The following PARP8 variants were observed in gnomAD, a reference collection of about 807,000 sequenced individuals.
The protein encoded by PARP8 is poly(ADP-ribose) polymerase family member 8, also known as protein mono-ADP-ribosyltransferase PARP8.
Under a neutral mutation model 124.1 loss-of-function variants are expected in PARP8, and 51 were observed. That is an observed-to-expected ratio of 0.41 (90% CI 0.33 to 0.52). PARP8 has a LOEUF of 0.52. Ranked by LOEUF, PARP8 falls within the 20% of genes least tolerant of loss-of-function variation. The pLI is 0.21. For synonymous variants in PARP8, 391 were observed against 361.5 expected, an observed-to-expected ratio of 1.08 and a Z score of -0.93; for missense variants, 860 against 1,018.9, an observed-to-expected ratio of 0.84 and a Z score of 2.12.
At position 50,842,991 on chromosome 5, in the gene PARP8, T is replaced by G. The variant is rs902388214; in HGVS notation, c.*923T>G. 7.9e-5 allele frequency: 12 copies of G among 151,844 alleles called. No homozygotes were observed. Among genetic ancestry groups the G allele is most frequent in the African/African-American group, 2.9e-4 (12 of 41,506 alleles). The allele number at this position is 151,844 out of a possible 1,614,324, so 9.4% of individuals were successfully genotyped here. A position where few individuals can be genotyped will look rare whatever the true frequency, so the allele number is the denominator to read the frequency against. On this transcript the variant is annotated 3_prime_UTR_variant, in exon 26 of 26. Transcript: ENST00000281631. ...AATTTAAAGAAACCATATATATTTT[T>G]TATTTACTACAAAAAAATTATACAA...
At chr5:50,833,901 T>A in intron 23 of PARP8, 78 bp from the exon 24 acceptor site, 1 of 1,200,782 alleles carries the variant, frequency 8.3e-7, no homozygotes, top group South Asian at 1.2e-5. Flanking sequence ...TTAGTGACTA[T>A]TACTTTTTAA....
rs149896936 is a variant in PARP8 at position 50,820,914 on chromosome 5, G to A, written c.1669-299G>A. Among the ~76,000 whole-genome samples the A allele has an allele frequency of 2.0e-3, 304 of 152,274 alleles. 3 individuals are homozygous for A. Among genetic ancestry groups the A allele is most frequent in the African/African-American group, 6.9e-3 (286 of 41,552 alleles). ...TAGACTATCAGCTGCACCAGAGCAGGGACTTGTCTGTCTTGTGCCTTGTCT... is the reference window on the plus strand; with the variant it reads ...TAGACTATCAGCTGCACCAGAGCAGAGACTTGTCTGTCTTGTGCCTTGTCT... On this transcript the variant is annotated intron_variant, in intron 15 of 25. Transcript: ENST00000281631.
intron 2 of PARP8, among the ~76,000 whole-genome samples, chr5:50,703,817 G>A (rs1753840402): frequency 1.3e-5 from 2 of 152,008 alleles, no homozygotes; most frequent in Admixed American, 6.6e-5. Flanking sequence ...AGGCTGAGGT[G>A]GGAGGATTGT....
chr5:50,827,883 C>T, intron 19 of PARP8, 61 bp from the exon 20 acceptor site: 1 of 1,231,838 alleles, frequency 8.1e-7, no homozygotes, highest in Non-Finnish European at 1.2e-6. Context: ...TTGAAATTGT[C>T]ATCAGCCTGA....
chr5:50,709,487 T>A (rs896545186), intron 2 of PARP8, among the ~76,000 whole-genome samples: 1 of 152,066 alleles, frequency 6.6e-6, no homozygotes, highest in Non-Finnish European at 1.5e-5. Flanking sequence ...CATTTTTTTT[T>A]ATTTCTTCTT....
intron 14 of PARP8, among the ~76,000 whole-genome samples, chr5:50,813,395 T>A (rs1744706352): frequency 1.4e-5 from 1 of 73,690 alleles, no homozygotes; most frequent in African/African-American, 2.9e-5. Context: ...TCTCTGTTTG[T>A]CTGTTATTGG....
At chr5:50,730,976 C>T (rs183250529) in intron 2 of PARP8, among the ~76,000 whole-genome samples, 83 of 152,268 alleles carry the variant, frequency 5.5e-4, no homozygotes, top group African/African-American at 1.8e-3. Context: ...TTCAGGAATA[C>T]TTTGAGCAAG....
chr5:50,814,940 A>C (rs1309979958), intron 14 of PARP8, among the ~76,000 whole-genome samples: 1 of 152,160 alleles, frequency 6.6e-6, no homozygotes, highest in African/African-American at 2.4e-5. Flanking sequence ...CGAGTCTTTC[A>C]AGAGCTGAGT....
chr5:50,726,427 AGT>A (rs1253048370), intron 2 of PARP8, among the ~76,000 whole-genome samples: 1 of 152,142 alleles, frequency 6.6e-6, no homozygotes, highest in African/African-American at 2.4e-5. Flanking sequence ...TATTGATAGG[AGT>A]ACCTCAGATC....
At chr5:50,812,956 T>TCTGTTTTGGTACCAGTACCATG (rs1300123886) in intron 14 of PARP8, among the ~76,000 whole-genome samples, 1 of 152,184 alleles carries the variant, frequency 6.6e-6, no homozygotes, top group East Asian at 1.9e-4. Flanking sequence ...GGTCTATATC[T>TCTGTTTTGGTACCAGTACCATG]CTGTTTTGGT....
Position 50,755,172 on chromosome 5 carries a change from C to T in PARP8, c.185-4471C>T, listed in dbSNP as rs185516726. 5.2e-3 allele frequency among the ~76,000 whole-genome samples: 784 copies of T among 152,232 alleles called. 4 individuals carry two copies. Among genetic ancestry groups the T allele is most frequent in the Non-Finnish European group, 8.9e-3 (603 of 68,010 alleles). ...GGTAGTTTCTTTTGCTGTGCAGAAG[C>T]TCTTTAGTTTAATTAGATCCCATTT... On this transcript the variant is annotated intron_variant, in intron 3 of 25. Transcript: ENST00000281631.
At chr5:50,787,977 A>G (rs1741461678) in intron 9 of PARP8, among the ~76,000 whole-genome samples, 1 of 149,576 alleles carries the variant, frequency 6.7e-6, no homozygotes, top group South Asian at 2.1e-4. Context: ...TATACCTGGT[A>G]AAAGTACGAA....
intron 2 of PARP8, among the ~76,000 whole-genome samples, chr5:50,685,326 C>A (rs923887563): frequency 6.6e-6 from 1 of 152,156 alleles, no homozygotes; most frequent in Non-Finnish European, 1.5e-5. Flanking sequence ...TGGTTTGGGG[C>A]CTAACAATGT....
intron 7 of PARP8, among the ~76,000 whole-genome samples, chr5:50,776,997 G>A (rs1185147436): frequency 2.6e-5 from 4 of 152,064 alleles, no homozygotes; most frequent in South Asian, 2.1e-4. Context: ...AATGAATGTC[G>A]TAATATTATC....
chr5:50,768,359 A>T (rs974582609), intron 7 of PARP8, among the ~76,000 whole-genome samples: 39 of 152,310 alleles, frequency 2.6e-4, no homozygotes, highest in African/African-American at 9.4e-4. Flanking sequence ...TGCTTAAATG[A>T]ACTAAGTCAC....
chr5:50,712,757 C>T (rs1754898119), intron 2 of PARP8, among the ~76,000 whole-genome samples: 1 of 151,102 alleles, frequency 6.6e-6, no homozygotes, highest in Non-Finnish European at 1.5e-5. Flanking sequence ...GAGAAAGAAA[C>T]AAATATGGAT....
chr5:50,836,420 G>T (rs759519148), intron 25 of PARP8, among the ~76,000 whole-genome samples: 39 of 152,102 alleles, frequency 2.6e-4, no homozygotes, highest in Admixed American at 2.3e-3. Flanking sequence ...ATTTACAAGG[G>T]TATGATTATA....
intron 9 of PARP8, 88 bp from the exon 10 acceptor site, chr5:50,788,435 T>C (rs1741555403): frequency 8.7e-7 from 1 of 1,153,662 alleles, no homozygotes; most frequent in Non-Finnish European, 1.3e-6. Flanking sequence ...TATATGCACA[T>C]ATATAATGCG....
chr5:50,720,017 C>T (rs181210504), intron 2 of PARP8, among the ~76,000 whole-genome samples: 2 of 152,052 alleles, frequency 1.3e-5, no homozygotes, highest in African/African-American at 4.8e-5. Context: ...AAAAAAAAAT[C>T]TGACATGCTT....
Sources: gnomAD v4.1 joint callset for allele counts (sites outside exome capture counted in the v4.1 genomes callset) on GRCh38, gnomAD v4.1.1 for gene constraint, MANE v1.5 for transcripts, NCBI Gene and HGNC (gene_info 2026-07-23, HGNC 2026-07-21) for gene names.